SHANK2: variants seen among roughly 807,000 people sequenced by gnomAD.
SHANK2 encodes the protein SH3 and multiple ankyrin repeat domains 2, also known as SH3 and multiple ankyrin repeat domains protein 2.
Under a neutral mutation model 133.7 loss-of-function variants are expected in SHANK2, and 43 were observed. That is an observed-to-expected ratio of 0.32 (90% CI 0.25 to 0.41). The LOEUF (loss-of-function observed/expected upper bound fraction) is 0.41, where lower values mean the gene tolerates loss of function less well. Ranked by LOEUF, SHANK2 falls within the 10% of genes least tolerant of loss-of-function variation. The probability of loss-of-function intolerance (pLI) is 1.00; values close to 1 mark genes in which losing one functional copy is unlikely to be tolerated. For synonymous variants in SHANK2, 1,017 were observed against 952.8 expected (o/e 1.07, Z -1.24); for missense variants, 1,994 against 2,235.8 (o/e 0.89, Z 2.18).
intron 10 of SHANK2, among the ~76,000 whole-genome samples, chr11:70,937,106 T>C (rs1173159057): frequency 6.6e-6 from 1 of 152,100 alleles, no homozygotes; most frequent in East Asian, 1.9e-4. Flanking sequence ...AGTCAGAACA[T>C]GTCACTTACC....
chr11:71,128,478 G>A (rs529748159), intron 3 of SHANK2, among the ~76,000 whole-genome samples: 1 of 152,212 alleles, frequency 6.6e-6, no homozygotes, highest in South Asian at 2.1e-4. Flanking sequence ...GTGGGACAGG[G>A]GCTGACATGG....
chr11:70,635,420 G>C (rs1555003597), intron 17 of SHANK2: 1 of 152,140 alleles, frequency 6.6e-6, no homozygotes, highest in Non-Finnish European at 1.5e-5. Flanking sequence ...ACAACACGGA[G>C]GAACCTCGAA....
chr11:70,849,848 CAT>C (rs1161698623), intron 11 of SHANK2, among the ~76,000 whole-genome samples: 2 of 152,132 alleles, frequency 1.3e-5, no homozygotes, highest in Non-Finnish European at 2.9e-5. Context: ...TGGCAAAATA[CAT>C]ATAAAATTTA....
At chr11:70,606,189 G>C (rs1403827755) in intron 17 of SHANK2, among the ~76,000 whole-genome samples, 1 of 152,116 alleles carries the variant, frequency 6.6e-6, no homozygotes, top group Non-Finnish European at 1.5e-5. Context: ...CTGGAAATCA[G>C]CTCTTCTGGC....
intron 17 of SHANK2, among the ~76,000 whole-genome samples, chr11:70,504,889 C>T (rs1249739157): frequency 1.3e-5 from 2 of 152,146 alleles, no homozygotes; most frequent in African/African-American, 4.8e-5. Flanking sequence ...GTTCTCTCCC[C>T]TCCCATGAGC....
chr11:71,085,788 A>T lies in SHANK2; in HGVS notation c.912+6634T>A, dbSNP rs1267751560. 1.9e-3 allele frequency among the ~76,000 whole-genome samples: 140 copies of T among 72,956 alleles called. 1 individual carries two copies. The highest frequency in any genetic ancestry group is 6.6e-3 in the African/African-American group (113 of 17,206). 47.9% of individuals were successfully genotyped at this position (72,956 alleles called of 152,430 possible). A position where few individuals can be genotyped will look rare whatever the true frequency, so the allele number is the denominator to read the frequency against. Reference sequence around the variant, plus strand: ...ATATATATTATATTTATATTATATAATATATGATACAACATAATATATTAT... The same window carrying T: ...ATATATATTATATTTATATTATATATTATATGATACAACATAATATATTAT... On this transcript the variant is annotated intron_variant, in intron 8 of 25. Coordinates refer to ENST00000601538, the MANE Select transcript of SHANK2 (RefSeq NM_012309.5).
chr11:71,130,793 AG>A (rs149095652), intron 3 of SHANK2, among the ~76,000 whole-genome samples: 2,237 of 152,338 alleles, frequency 0.015, 54 homozygotes, highest in African/African-American at 0.05. Flanking sequence ...GTGGCCCCAC[AG>A]GGATATTCCC....
chr11:70,605,550 G>A (rs533142198), intron 17 of SHANK2, among the ~76,000 whole-genome samples: 2 of 152,328 alleles, frequency 1.3e-5, no homozygotes, highest in East Asian at 1.9e-4. Context: ...CTTAATGGCC[G>A]GCTGCCTCCG....
chr11:70,926,543 C>T (rs782014226), intron 10 of SHANK2, among the ~76,000 whole-genome samples: 8 of 152,210 alleles, frequency 5.3e-5, no homozygotes, highest in South Asian at 2.1e-4. Context: ...ACAGCCTTCT[C>T]GCACTTGGGA....
intron 22 of SHANK2, among the ~76,000 whole-genome samples, chr11:70,491,329 G>A (rs1347794472): frequency 6.6e-6 from 1 of 152,204 alleles, no homozygotes; most frequent in Non-Finnish European, 1.5e-5. Flanking sequence ...GAGATCAAGG[G>A]CACCTTGTCT....
chr11:70,528,336 C>T (rs2059424880), intron 17 of SHANK2, among the ~76,000 whole-genome samples: 1 of 152,164 alleles, frequency 6.6e-6, no homozygotes, highest in East Asian at 1.9e-4. Context: ...ATGCAGCCTC[C>T]TGGGCTGACG....
intron 14 of SHANK2, among the ~76,000 whole-genome samples, chr11:70,797,041 C>A (rs1394041189): frequency 6.6e-6 from 1 of 152,182 alleles, no homozygotes; most frequent in Non-Finnish European, 1.5e-5. Flanking sequence ...GATTTAATGC[C>A]CAATCCCTTT....
intron 17 of SHANK2, among the ~76,000 whole-genome samples, chr11:70,521,912 G>A (rs1210917563): frequency 2.0e-5 from 3 of 152,206 alleles, no homozygotes; most frequent in Non-Finnish European, 2.9e-5. Flanking sequence ...TCCTACTGGT[G>A]GGTCTGGTGC....
At chr11:70,715,268 G>A (rs543986802) in intron 14 of SHANK2, among the ~76,000 whole-genome samples, 9 of 152,244 alleles carry the variant, frequency 5.9e-5, no homozygotes, top group African/African-American at 2.2e-4. Context: ...GACGGGCTGT[G>A]CCCAGGGTCA....
chr11:70,624,362 C>A (rs1554999086), intron 17 of SHANK2, among the ~76,000 whole-genome samples: 1 of 152,022 alleles, frequency 6.6e-6, no homozygotes, highest in East Asian at 1.9e-4. Context: ...GGGATTCCTG[C>A]CAGCTCTGCG....
intron 11 of SHANK2, among the ~76,000 whole-genome samples, chr11:70,831,240 C>G (rs571927267): frequency 1.5e-4 from 23 of 152,192 alleles, no homozygotes; most frequent in African/African-American, 5.5e-4. Flanking sequence ...CCTGCCCGCA[C>G]GCCCACCCAT....
rs114360120 is a variant in SHANK2, at chr11:70,689,645, T to C, written c.1853+9043A>G. Among the ~76,000 whole-genome samples the C allele has an allele frequency of 3.6e-3, 554 of 152,200 alleles. 5 individuals are homozygous for C. The highest frequency in any genetic ancestry group is 0.013 in the African/African-American group (543 of 41,502). On this transcript the variant is annotated intron_variant, in intron 15 of 25. Transcript: ENST00000601538. The stretch of plus-strand genomic sequence containing the variant: ...CACCTGCCAGGGATAAACAGGAACA[T>C]TGAATAATGAGAAAAAGATCAATTC...
intron 17 of SHANK2, among the ~76,000 whole-genome samples, chr11:70,515,647 A>AAC: frequency 6.6e-6 from 1 of 150,524 alleles, no homozygotes; most frequent in Non-Finnish European, 1.5e-5. Context: ...GAAAAAAAAA[A>AAC]AAAAAAAAAA....
At chr11:70,796,447 C>G (rs542951540) in intron 14 of SHANK2, among the ~76,000 whole-genome samples, 10 of 152,324 alleles carry the variant, frequency 6.6e-5, no homozygotes, top group Admixed American at 5.2e-4. Context: ...AGAGGGAGGG[C>G]AGCCAGTGTG....
Sources: allele counts gnomAD v4.1 joint callset (sites outside exome capture counted in the v4.1 genomes callset), GRCh38; gene constraint gnomAD v4.1.1; transcripts MANE v1.5; gene names NCBI Gene and HGNC (gene_info 2026-07-23, HGNC 2026-07-21).